The following NCAM2 variants were observed in gnomAD, a reference collection of about 807,000 sequenced individuals.
NCAM2 encodes the protein N-CAM-2.
Under a neutral mutation model 98.1 loss-of-function variants are expected in NCAM2, and 30 were observed. That is an observed-to-expected ratio of 0.31 (90% confidence interval 0.23 to 0.41). The LOEUF is 0.41. Ranked by LOEUF, NCAM2 falls within the 10% of genes least tolerant of loss-of-function variation. NCAM2 has a pLI of 1.00. For missense variants in NCAM2, 867 were observed against 1,005.8 expected, an observed-to-expected ratio of 0.86 and a Z score of 1.87; for synonymous variants, 368 against 342.4, an observed-to-expected ratio of 1.07 and a Z score of -0.83.
chr21:21,128,368 C>G (rs2066870787), intron 1 of NCAM2, among the ~76,000 whole-genome samples: 1 of 152,014 alleles, frequency 6.6e-6, no homozygotes, highest in Non-Finnish European at 1.5e-5. Flanking sequence ...TACATGTCAC[C>G]TTGACTTTCA....
In NCAM2 at chr21:21,284,408, A is replaced by G; in HGVS notation, c.337+8A>G. The G allele has an allele frequency of 1.3e-6, 2 of 1,585,064 alleles. No homozygotes were observed. Among genetic ancestry groups the G allele is most frequent in the Non-Finnish European group, 1.7e-6 (2 of 1,155,628 alleles). On this transcript the variant is annotated splice_region_variant and intron_variant, in intron 3 of 17. Transcript: ENST00000400546. ...TAGTTTTGGAAATTTACCGTAAGTA[A>G]TGTATTTATATGTTTTAGTTTATTC...
intron 1 of NCAM2, among the ~76,000 whole-genome samples, chr21:21,162,798 G>C (rs2067827092): frequency 6.6e-6 from 1 of 152,060 alleles, no homozygotes; most frequent in Admixed American, 6.6e-5. Flanking sequence ...TAGGAAACAA[G>C]TCATCGTTAT....
At chr21:21,301,318 GTC>G (rs1453222374) in intron 5 of NCAM2, among the ~76,000 whole-genome samples, 2 of 151,566 alleles carry the variant, frequency 1.3e-5, no homozygotes, top group Non-Finnish European at 2.9e-5. Context: ...GAAATTGGAT[GTC>G]TAGAAGGGTA....
At chr21:21,228,985 A>G (rs1441129573) in intron 1 of NCAM2, among the ~76,000 whole-genome samples, 1 of 151,516 alleles carries the variant, frequency 6.6e-6, no homozygotes, top group Non-Finnish European at 1.5e-5. Context: ...GTTATTTTGT[A>G]TAAACATATG....
intron 5 of NCAM2, among the ~76,000 whole-genome samples, chr21:21,311,709 A>G (rs1025968791): frequency 6.6e-6 from 1 of 152,164 alleles, no homozygotes; most frequent in Non-Finnish European, 1.5e-5. Flanking sequence ...AGTTTTCAAC[A>G]TTCAGATATC....
rs533422884 is a variant in NCAM2, at chr21:21,374,362, A to G, written c.1195+349A>G. 5.9e-5 allele frequency among the ~76,000 whole-genome samples: 9 copies of G among 151,978 alleles called. No homozygotes were observed. The East Asian group carries it at 1.4e-3, about 23-fold the overall frequency. On this transcript the variant is annotated intron_variant, in intron 9 of 17. Coordinates refer to ENST00000400546, the MANE Select transcript of NCAM2 (RefSeq NM_004540.5). ...TTATTTCTTTATAATATTTATGATT[A>G]TGTCTCAAATATGTAGTGTTTACAT...
At chr21:21,068,659 C>A (rs568075962) in intron 1 of NCAM2, among the ~76,000 whole-genome samples, 4 of 152,100 alleles carry the variant, frequency 2.6e-5, no homozygotes, top group African/African-American at 9.6e-5. Flanking sequence ...GGGGTTTCAC[C>A]ATGTTGGTCA....
intron 1 of NCAM2, among the ~76,000 whole-genome samples, chr21:21,005,540 G>A (rs540966101): frequency 8.0e-4 from 122 of 152,056 alleles, no homozygotes; most frequent in Non-Finnish European, 1.3e-3. Flanking sequence ...AATGGAAACT[G>A]TTGATCTTTT....
intron 1 of NCAM2, among the ~76,000 whole-genome samples, chr21:21,274,085 G>T (rs1266399775): frequency 6.6e-6 from 1 of 151,588 alleles, no homozygotes; most frequent in African/African-American, 2.4e-5. Flanking sequence ...AGAATCACTT[G>T]AAGCCCGGAA....
intron 1 of NCAM2, among the ~76,000 whole-genome samples, chr21:21,240,255 C>G (rs1351579925): frequency 1.3e-5 from 2 of 151,898 alleles, no homozygotes; most frequent in Non-Finnish European, 2.9e-5. Context: ...TTGGTGGTGG[C>G]ATACATTCTT....
intron 11 of NCAM2, among the ~76,000 whole-genome samples, chr21:21,423,487 A>G (rs2145980862): frequency 6.6e-6 from 1 of 152,338 alleles, no homozygotes; most frequent in African/African-American, 2.4e-5. Flanking sequence ...ATCAATCTAG[A>G]CATCAAGGAC....
chr21:21,213,003 G>C (rs969718374), intron 1 of NCAM2, among the ~76,000 whole-genome samples: 2 of 152,068 alleles, frequency 1.3e-5, no homozygotes, highest in African/African-American at 4.8e-5. Flanking sequence ...GCCTCCTGAA[G>C]TGCTGGGATT....
intron 9 of NCAM2, among the ~76,000 whole-genome samples, chr21:21,390,556 C>T (rs993615311): frequency 6.6e-6 from 1 of 152,136 alleles, no homozygotes; most frequent in African/African-American, 2.4e-5. Context: ...TTGTAATTTA[C>T]ATCACCTTAA....
chr21:21,002,070 C>A (rs1270230727), intron 1 of NCAM2, among the ~76,000 whole-genome samples: 1 of 152,086 alleles, frequency 6.6e-6, no homozygotes, highest in Admixed American at 6.6e-5. Flanking sequence ...CCTCTCTGTG[C>A]AAAGTTTCTA....
At position 21,537,826 on chromosome 21, in the gene NCAM2, T is replaced by C. The variant is rs755041665; in HGVS notation, c.2403-20T>C. ...CTTAAATACCTCAGAAAATGAAGCT[T>C]ATTATTTTTTATCTTCCAGAAAATT... On this transcript the variant is annotated intron_variant, in intron 17 of 17. Coordinates refer to ENST00000400546, the MANE Select transcript of NCAM2 (RefSeq NM_004540.5). The C allele has an allele frequency of 1.5e-6, 2 of 1,297,592 alleles. No individual in the cohort carries two copies. Among genetic ancestry groups the C allele is most frequent in the Non-Finnish European group, 2.2e-6 (2 of 919,382 alleles). The allele number at this position is 1,297,592 out of a possible 1,614,324, so 80.4% of individuals were successfully genotyped here. A position where few individuals can be genotyped will look rare whatever the true frequency, so the allele number is the denominator to read the frequency against.
intron 1 of NCAM2, among the ~76,000 whole-genome samples, chr21:21,207,461 G>A (rs139698311): frequency 2.6e-5 from 4 of 152,124 alleles, no homozygotes; most frequent in South Asian, 4.1e-4. Context: ...GTCATGCCAA[G>A]CAAGGATTCA....
chr21:21,286,207 G>T, intron 3 of NCAM2, 62 bp from the exon 4 acceptor site: 6 of 1,472,966 alleles, frequency 4.1e-6, no homozygotes, highest in Non-Finnish European at 5.5e-6. Flanking sequence ...GTTATTGGGA[G>T]AAATAAGCAA....
chr21:21,242,516 G>A (rs2071101825), intron 1 of NCAM2, among the ~76,000 whole-genome samples: 1 of 152,108 alleles, frequency 6.6e-6, no homozygotes, highest in Non-Finnish European at 1.5e-5. Flanking sequence ...CTATAACTCT[G>A]GTCATCTCCA....
At position 21,267,434 on chromosome 21, in the gene NCAM2, CTT is replaced by C. The variant is rs2072325459; in HGVS notation, c.56-13143_56-13142del. Among the ~76,000 whole-genome samples the C allele has an allele frequency of 3.3e-5, 5 of 152,246 alleles. No homozygotes were observed. The South Asian group carries it at 1.0e-3, about 32-fold the overall frequency. On this transcript the variant is annotated intron_variant, in intron 1 of 17. Transcript: ENST00000400546. ...ATATTTGAGTATTATTTGCTTATAA[CTT>C]CTACAGCTTGTTGTACAACCTTACC...
Sources: gnomAD v4.1 joint callset for allele counts (sites outside exome capture counted in the v4.1 genomes callset) on GRCh38, gnomAD v4.1.1 for gene constraint, MANE v1.5 for transcripts, NCBI Gene and HGNC (gene_info 2026-07-23, HGNC 2026-07-21) for gene names.